The following SOX5 variants were observed in gnomAD, a reference collection of about 807,000 sequenced individuals.
SOX5 encodes transcription factor SOX-5.
A neutral mutation model predicts 92.0 loss-of-function variants in SOX5; 9 were observed. The observed-to-expected ratio is 0.10, with a 90% CI of 0.06 to 0.17. SOX5 has a LOEUF of 0.17. Ranked by LOEUF, SOX5 falls within the 10% of genes least tolerant of loss-of-function variation. The pLI, the probability that SOX5 is intolerant of heterozygous loss-of-function variation, is 1.00. For missense variants in SOX5, 642 were observed against 944.5 expected, an observed-to-expected ratio of 0.68 and a Z score of 4.20; for synonymous variants, 344 against 336.3, an observed-to-expected ratio of 1.02 and a Z score of -0.25.
chr12:23,972,109 T>C (rs760561727), intron 4 of SOX5, among the ~76,000 whole-genome samples: 18 of 152,126 alleles, frequency 1.2e-4, no homozygotes, highest in Non-Finnish European at 1.9e-4. Flanking sequence ...GGCCTAAGGA[T>C]GGGGGAGACC....
chr12:24,433,244 T>A (rs968253027), intron 1 of SOX5, among the ~76,000 whole-genome samples: 1 of 152,198 alleles, frequency 6.6e-6, no homozygotes, highest in Non-Finnish European at 1.5e-5. Context: ...TATCTTTGTT[T>A]TAAGCAAAAT....
chr12:24,347,034 A>C (rs1953379696), intron 2 of SOX5, among the ~76,000 whole-genome samples: 1 of 152,232 alleles, frequency 6.6e-6, no homozygotes. Context: ...TAATAAAAAA[A>C]AATTGTGGTA....
chr12:24,392,106 G>A (rs1959049984), intron 1 of SOX5, among the ~76,000 whole-genome samples: 2 of 152,036 alleles, frequency 1.3e-5, no homozygotes, highest in East Asian at 3.9e-4. Flanking sequence ...ATTCAAAATG[G>A]GAGTAGATCA....
chr12:23,891,756 GA>G (rs2097131968), intron 2 of SOX5, among the ~76,000 whole-genome samples: 1 of 152,098 alleles, frequency 6.6e-6, no homozygotes, highest in Non-Finnish European at 1.5e-5. Flanking sequence ...CTGGTAGCCA[GA>G]ATAAAAAGAG....
intron 1 of SOX5, among the ~76,000 whole-genome samples, chr12:24,377,828 C>A (rs1266534171): frequency 6.6e-6 from 1 of 152,138 alleles, no homozygotes; most frequent in Non-Finnish European, 1.5e-5. Context: ...TCCCTGGTAC[C>A]CAGTAAGCCC....
At chr12:24,021,921 T>C (rs7316782) in intron 4 of SOX5, among the ~76,000 whole-genome samples, 88,096 of 152,038 alleles carry the variant, frequency 0.58, 25,746 homozygotes, top group East Asian at 0.71. Flanking sequence ...AGTGCTTTGG[T>C]GGGACTTCTC....
Position 23,851,134 on chromosome 12 carries a change from GTTTA to G in SOX5, c.271-4945_271-4942del, listed in dbSNP as rs558688248. On this transcript the variant is annotated intron_variant, in intron 2 of 14. Coordinates refer to ENST00000451604, the MANE Select transcript of SOX5 (RefSeq NM_006940.6). ...AAGTTTACCCCTTATCAAGATAAAA[GTTTA>G]TTTAAGGTATATATGTTAATATCTT... is the stretch of plus-strand genomic sequence containing the variant. Among the ~76,000 whole-genome samples, 4 of 151,078 alleles carry G rather than the reference GTTTA, an allele frequency of 2.6e-5. No individual in the cohort carries two copies. In the East Asian group the frequency reaches 7.7e-4, roughly 29 times the overall value.
Position 23,530,936 on chromosome 12 carries a change from A to C in SOX5, c.*3283T>G, listed in dbSNP as rs1402854586. On this transcript the variant is annotated 3_prime_UTR_variant, in exon 15 of 15. Transcript: ENST00000451604. ...GTTTATGTTTTAGTTTGATCTTTTGATCTTACTCTCATTTTCTTTATCTTT... is the reference window on the plus strand; with the variant it reads ...GTTTATGTTTTAGTTTGATCTTTTGCTCTTACTCTCATTTTCTTTATCTTT... The C allele has an allele frequency of 1.3e-5, 2 of 151,696 alleles. No individual in the cohort carries two copies. Among genetic ancestry groups the C allele is most frequent in the African/African-American group, 4.8e-5 (2 of 41,338 alleles). 9.4% of individuals were successfully genotyped at this position (151,696 alleles called of 1,614,324 possible).
chr12:23,649,922 T>TCTTTC (rs2081341391), intron 7 of SOX5, among the ~76,000 whole-genome samples: 3 of 152,274 alleles, frequency 2.0e-5, no homozygotes, highest in Non-Finnish European at 4.4e-5. Flanking sequence ...CTCTTTCATC[T>TCTTTC]ACTGAACTAA....
chr12:23,888,969 A>T (rs2097100620), intron 2 of SOX5, among the ~76,000 whole-genome samples: 1 of 152,190 alleles, frequency 6.6e-6, no homozygotes, highest in Non-Finnish European at 1.5e-5. Context: ...GAAATCGGGT[A>T]TGTGTGTGTA....
At chr12:24,345,203 A>G (rs1348116193) in intron 2 of SOX5, among the ~76,000 whole-genome samples, 1 of 152,222 alleles carries the variant, frequency 6.6e-6, no homozygotes, top group Admixed American at 6.5e-5. Flanking sequence ...ATTCACTGTA[A>G]TGTATACATT....
chr12:23,753,035 A>G (rs2094229993), intron 4 of SOX5, among the ~76,000 whole-genome samples: 1 of 151,808 alleles, frequency 6.6e-6, no homozygotes, highest in Non-Finnish European at 1.5e-5. Flanking sequence ...GAAGTAGGTG[A>G]CCTTTACTAA....
At chr12:24,302,416 A>G (rs1948082539) in intron 2 of SOX5, among the ~76,000 whole-genome samples, 1 of 152,214 alleles carries the variant, frequency 6.6e-6, no homozygotes, top group African/African-American at 2.4e-5. Flanking sequence ...ACTTTTCACT[A>G]TAATTCGTTC....
At chr12:24,476,397 G>A (rs751160959) in intron 1 of SOX5, among the ~76,000 whole-genome samples, 11 of 152,178 alleles carry the variant, frequency 7.2e-5, no homozygotes, top group Admixed American at 6.5e-5. Context: ...CGCTCATGTA[G>A]AGTACTGCTG....
chr12:24,002,293 T>G (rs1951685815), intron 4 of SOX5, among the ~76,000 whole-genome samples: 1 of 151,620 alleles, frequency 6.6e-6, no homozygotes, highest in African/African-American at 2.4e-5. Context: ...AAAAGATCAA[T>G]AAAATTGACA....
intron 1 of SOX5, among the ~76,000 whole-genome samples, chr12:24,420,209 C>T (rs1021767972): frequency 2.6e-5 from 4 of 152,188 alleles, no homozygotes; most frequent in African/African-American, 9.7e-5. Context: ...ATAGCTCTGT[C>T]TATTTAGGCC....
intron 4 of SOX5, among the ~76,000 whole-genome samples, chr12:24,003,302 G>T (rs1046529317): frequency 1.3e-5 from 2 of 151,928 alleles, no homozygotes; most frequent in Non-Finnish European, 2.9e-5. Flanking sequence ...GGAGGTTCTA[G>T]CCAGTATAAT....
At chr12:23,785,858 T>C (rs1019430420) in intron 3 of SOX5, among the ~76,000 whole-genome samples, 1 of 152,096 alleles carries the variant, frequency 6.6e-6, no homozygotes, top group Non-Finnish European at 1.5e-5. Context: ...AAGTAAGCAA[T>C]AGAAGAATTA....
chr12:24,324,469 T>G (rs980970985), intron 2 of SOX5, among the ~76,000 whole-genome samples: 31 of 152,096 alleles, frequency 2.0e-4, no homozygotes, highest in African/African-American at 9.7e-5. Context: ...ACTCTATATA[T>G]AGTTGCGACA....
Sources: gnomAD v4.1 joint callset for allele counts (sites outside exome capture counted in the v4.1 genomes callset) on GRCh38, gnomAD v4.1.1 for gene constraint, MANE v1.5 for transcripts, NCBI Gene and HGNC (gene_info 2026-07-23, HGNC 2026-07-21) for gene names.